Variants in ACVR2A observed in about 807,000 individuals in gnomAD.
ACVR2A encodes the protein activin A receptor type 2A.
ACVR2A carries 7 observed loss-of-function variants against 61.4 expected under a neutral mutation model. The ratio of observed to expected loss-of-function variants is 0.11; its 90% CI spans 0.06 to 0.21. The LOEUF (loss-of-function observed/expected upper bound fraction) is 0.21, where lower values mean the gene tolerates loss of function less well. Among genes scored for constraint, ACVR2A ranks in the 10% least tolerant of loss-of-function variants. ACVR2A has a pLI of 1.00. For missense variants in ACVR2A, 322 were observed against 621.7 expected, an observed-to-expected ratio of 0.52 and a Z score of 5.13; for synonymous variants, 193 against 208.3, an observed-to-expected ratio of 0.93 and a Z score of 0.63.
intron 1 of ACVR2A, among the ~76,000 whole-genome samples, chr2:147,845,910 A>G (rs1239169127): frequency 6.6e-6 from 1 of 152,174 alleles, no homozygotes; most frequent in East Asian, 1.9e-4. Context: ...CGGAATACTT[A>G]TTTTAAACGC....
intron 1 of ACVR2A, among the ~76,000 whole-genome samples, chr2:147,889,912 C>T (rs566168052): frequency 6.0e-5 from 9 of 151,024 alleles, no homozygotes; most frequent in African/African-American, 2.2e-4. Flanking sequence ...TATAAATTAA[C>T]TCATACTAGA....
chr2:147,867,854 A>C (rs1346068554), intron 1 of ACVR2A, among the ~76,000 whole-genome samples: 1 of 152,078 alleles, frequency 6.6e-6, no homozygotes, highest in African/African-American at 2.4e-5. Flanking sequence ...TTAATCTTAC[A>C]ACACTAGAAG....
At chr2:147,908,829 G>T (rs947381690) in intron 4 of ACVR2A, among the ~76,000 whole-genome samples, 2 of 151,534 alleles carry the variant, frequency 1.3e-5, no homozygotes, top group African/African-American at 2.4e-5. Context: ...AAAAAAATCA[G>T]TCTCTCTCTC....
At chr2:147,900,196 A>G (rs1686838183) in intron 4 of ACVR2A, among the ~76,000 whole-genome samples, 1 of 152,082 alleles carries the variant, frequency 6.6e-6, no homozygotes, top group Non-Finnish European at 1.5e-5. Flanking sequence ...TTGAGAAGTC[A>G]TTTATGATGG....
intron 2 of ACVR2A, 187 bp from the exon 3 acceptor site, chr2:147,899,271 T>A: frequency 2.4e-6 from 1 of 422,010 alleles, no homozygotes; most frequent in Non-Finnish European, 4.1e-6. Context: ...TAATTTTTTT[T>A]TCTTAAGAGA....
At chr2:147,877,044 TG>T (rs1229393806) in intron 1 of ACVR2A, among the ~76,000 whole-genome samples, 4 of 151,740 alleles carry the variant, frequency 2.6e-5, no homozygotes, top group African/African-American at 9.7e-5. Context: ...CTACACGTCT[TG>T]ATCGCAGGAT....
At chr2:147,927,034 A>C (rs1285052922) in intron 10 of ACVR2A, 46 bp from the exon 11 acceptor site, 16 of 1,561,848 alleles carry the variant, frequency 1.0e-5, no homozygotes, top group Non-Finnish European at 1.4e-5. Context: ...CCTAATAGAA[A>C]ACAAAAACTG....
At chr2:147,852,060 CTT>C (rs969896952) in intron 1 of ACVR2A, among the ~76,000 whole-genome samples, 7 of 151,800 alleles carry the variant, frequency 4.6e-5, no homozygotes, top group Non-Finnish European at 8.8e-5. Context: ...GTTTTGATAT[CTT>C]TAAGTTATGT....
rs561107833 is a variant in ACVR2A at position 147,915,316 on chromosome 2, C to T, written c.654C>T (p.Val218=). 20 of 1,611,806 alleles carry T rather than the reference C, an allele frequency of 1.2e-5. No individual in the cohort carries two copies. In the East Asian group the frequency reaches 2.7e-4, roughly 22 times the overall value. ...AGTTGCTTAACGAATATGTGGCTGT[C>T]AAAATATTTCCAATACAGGTATGTT... ...KAQLLNEYVA[V]KIFPIQDKQS... is the part of the protein sequence containing the mutation. Residue 218 remains valine (V), a synonymous_variant, in exon 5 of 11, where the codon GTC becomes GTT. Transcript: ENST00000241416.
chr2:147,923,624 A>G (rs1321352216), intron 9 of ACVR2A, among the ~76,000 whole-genome samples: 4 of 152,076 alleles, frequency 2.6e-5, no homozygotes, highest in Non-Finnish European at 5.9e-5. Context: ...TTTTCTGGGT[A>G]AATTTTCAGA....
intron 5 of ACVR2A, among the ~76,000 whole-genome samples, chr2:147,916,990 C>T (rs1687261266): frequency 6.6e-6 from 1 of 151,934 alleles, no homozygotes; most frequent in Non-Finnish European, 1.5e-5. Flanking sequence ...CTTGCAGTAA[C>T]TTACGTGTTG....
intron 1 of ACVR2A, among the ~76,000 whole-genome samples, chr2:147,892,237 T>C (rs1006972586): frequency 1.3e-5 from 2 of 152,060 alleles, no homozygotes; most frequent in African/African-American, 2.4e-5. Context: ...CCCAAAGTGC[T>C]GGCATTACAG....
At position 147,922,966 on chromosome 2, in the gene ACVR2A, T is replaced by C; in HGVS notation, c.1078-7T>C. On this transcript the variant is annotated splice_region_variant and splice_polypyrimidine_tract_variant and intron_variant, in intron 8 of 10. Coordinates refer to ENST00000241416, the MANE Select transcript of ACVR2A (RefSeq NM_001616.5). ...TGAGTACTCTTTGCTTTTAACATCT[T>C]TTTCAGGTTGGTACCCGGAGGTACA... 1 of 1,598,024 alleles carries C rather than the reference T, an allele frequency of 6.3e-7. No homozygotes were observed.
chr2:147,909,707 A>G (rs1337343803), intron 4 of ACVR2A, among the ~76,000 whole-genome samples: 3 of 152,126 alleles, frequency 2.0e-5, no homozygotes, highest in African/African-American at 7.2e-5. Context: ...GCATGATCAC[A>G]GCCCACTGCA....
chr2:147,883,886 C>G (rs940560828), intron 1 of ACVR2A, among the ~76,000 whole-genome samples: 4 of 152,060 alleles, frequency 2.6e-5, no homozygotes, highest in African/African-American at 7.2e-5. Context: ...ATCTTCATAG[C>G]AAGCAGAAGT....
upstream of ACVR2A, chr2:147,844,776 C>T (rs1053457761): frequency 1.2e-5 from 2 of 166,780 alleles, no homozygotes; most frequent in Non-Finnish European, 2.5e-5. Context: ...CTGCCGCCGC[C>T]GCCTCTTCGT....
At chr2:147,899,022 C>A (rs907826827) in intron 2 of ACVR2A, among the ~76,000 whole-genome samples, 1 of 152,078 alleles carries the variant, frequency 6.6e-6, no homozygotes, top group Non-Finnish European at 1.5e-5. Context: ...TGTATACATA[C>A]ACACACATAC....
At chr2:147,917,535 A>G (rs1687275736) in intron 6 of ACVR2A, 109 bp downstream of exon 6, 2 of 1,121,864 alleles carry the variant, frequency 1.8e-6, no homozygotes, top group East Asian at 5.5e-5. Flanking sequence ...TAGTTGATTA[A>G]TATTTAACCT....
At chr2:147,901,209 C>G (rs1412461340) in intron 4 of ACVR2A, among the ~76,000 whole-genome samples, 2 of 151,956 alleles carry the variant, frequency 1.3e-5, no homozygotes, top group African/African-American at 4.8e-5. Flanking sequence ...TCAGTGATAA[C>G]TTTTAAAAAA....
Sources: allele counts gnomAD v4.1 joint callset (sites outside exome capture counted in the v4.1 genomes callset), GRCh38; gene constraint gnomAD v4.1.1; transcripts MANE v1.5; gene names NCBI Gene and HGNC (gene_info 2026-07-23, HGNC 2026-07-21).